TBC1D5: variants seen among roughly 807,000 people sequenced by gnomAD.
The protein encoded by TBC1D5 is TBC1 domain family, member 5.
In TBC1D5, 75 loss-of-function variants were observed where a neutral mutation model predicts 100.3. The ratio of observed to expected loss-of-function variants is 0.75; its 90% CI spans 0.62 to 0.91. The LOEUF is 0.91. Among genes scored for constraint, TBC1D5 ranks in the 40% least tolerant of loss-of-function variants. TBC1D5 has a pLI of 0.00. For missense variants in TBC1D5, 910 were observed against 942.4 expected, an observed-to-expected ratio of 0.97 and a Z score of 0.45; for synonymous variants, 323 against 325.6, an observed-to-expected ratio of 0.99 and a Z score of 0.09.
intron 15 of TBC1D5, among the ~76,000 whole-genome samples, chr3:17,285,180 T>G (rs1021728224): frequency 6.6e-6 from 1 of 150,828 alleles, no homozygotes; most frequent in Non-Finnish European, 1.5e-5. Flanking sequence ...GCTGGAAGCA[T>G]TATGAAAAGT....
intron 14 of TBC1D5, among the ~76,000 whole-genome samples, chr3:17,300,466 G>A (rs1012886197): frequency 6.6e-6 from 1 of 152,160 alleles, no homozygotes; most frequent in African/African-American, 2.4e-5. Context: ...TCTGGGTTAG[G>A]ACAGAGGGAA....
intron 1 of TBC1D5, among the ~76,000 whole-genome samples, chr3:17,635,664 G>GA (rs575863503): frequency 1.6e-4 from 23 of 148,296 alleles, no homozygotes; most frequent in African/African-American, 2.0e-4. Context: ...GGCAACAAGA[G>GA]AAAAAAAAAA....
chr3:17,242,024 A>T (rs577302945), intron 16 of TBC1D5, among the ~76,000 whole-genome samples: 1 of 152,290 alleles, frequency 6.6e-6, no homozygotes, highest in African/African-American at 2.4e-5. Context: ...CAGACAGGTG[A>T]AGAAATTCCA....
intron 13 of TBC1D5, among the ~76,000 whole-genome samples, chr3:17,320,605 T>C (rs2085290922): frequency 6.6e-6 from 1 of 152,222 alleles, no homozygotes; most frequent in Non-Finnish European, 1.5e-5. Flanking sequence ...TCATAGTTTA[T>C]GGGCTTGTGA....
intron 16 of TBC1D5, among the ~76,000 whole-genome samples, chr3:17,245,463 A>C (rs2076660990): frequency 6.6e-6 from 1 of 152,208 alleles, no homozygotes; most frequent in South Asian, 2.1e-4. Context: ...GTTGAATTTC[A>C]AGGGAAACAT....
chr3:17,308,857 A>T (rs2083681647), intron 13 of TBC1D5, among the ~76,000 whole-genome samples: 2 of 152,252 alleles, frequency 1.3e-5, no homozygotes, highest in South Asian at 4.1e-4. Context: ...ACTAAGCAAC[A>T]TCTATATATA....
At chr3:17,600,532 G>A (rs887909201) in intron 2 of TBC1D5, among the ~76,000 whole-genome samples, 5 of 152,016 alleles carry the variant, frequency 3.3e-5, no homozygotes, top group African/African-American at 7.3e-5. Context: ...TGGTCTCATC[G>A]CAGTAAAATG....
At chr3:17,341,272 C>G (rs894130336) in intron 13 of TBC1D5, among the ~76,000 whole-genome samples, 3 of 152,166 alleles carry the variant, frequency 2.0e-5, no homozygotes, top group African/African-American at 7.2e-5. Flanking sequence ...TCTCCGCTCA[C>G]TGCAAGCTCT....
At chr3:17,190,603 G>A (rs1024082202) in intron 18 of TBC1D5, among the ~76,000 whole-genome samples, 1 of 152,132 alleles carries the variant, frequency 6.6e-6, no homozygotes, top group African/African-American at 2.4e-5. Context: ...ACATAATTAT[G>A]TTTTCGGGGT....
Position 17,253,801 on chromosome 3 carries a change from T to G in TBC1D5, c.1331+4705A>C, listed in dbSNP as rs368180561. The stretch of plus-strand genomic sequence containing the variant: ...TGTTTATGAGATGCATGTATGTTAT[T>G]GCATATATCAGTATGCTTAACCCTT... On this transcript the variant is annotated intron_variant, in intron 16 of 21. Transcript: ENST00000253692. 1.3e-4 allele frequency among the ~76,000 whole-genome samples: 20 copies of G among 152,366 alleles called. No homozygotes were observed. In the East Asian group the frequency reaches 1.5e-3, roughly 12 times the overall value.
intron 2 of TBC1D5, among the ~76,000 whole-genome samples, chr3:17,545,177 A>G (rs761712261): frequency 1.8e-4 from 28 of 152,192 alleles, no homozygotes; most frequent in South Asian, 2.1e-4. Flanking sequence ...TCAGTGTGTG[A>G]CTTTATTTAG....
At chr3:17,571,535 CCTT>C (rs1381027998) in intron 2 of TBC1D5, among the ~76,000 whole-genome samples, 1 of 151,928 alleles carries the variant, frequency 6.6e-6, no homozygotes, top group Non-Finnish European at 1.5e-5. Context: ...CTCTTATTCT[CCTT>C]CTTGTTTCAT....
chr3:17,383,980 A>C (rs1380160736), exon 9 of TBC1D5: 1 of 1,600,328 alleles, frequency 6.2e-7, no homozygotes, highest in Non-Finnish European at 8.5e-7. Context: ...AATTTTTCTC[A>C]CATTTTCTTG....
At chr3:17,471,490 G>C (rs2095371584) in intron 3 of TBC1D5, among the ~76,000 whole-genome samples, 1 of 151,874 alleles carries the variant, frequency 6.6e-6, no homozygotes, top group Non-Finnish European at 1.5e-5. Flanking sequence ...CCTTCCTCTT[G>C]CCTGGTATTT....
intron 15 of TBC1D5, among the ~76,000 whole-genome samples, chr3:17,272,338 G>A (rs1232793370): frequency 6.6e-6 from 1 of 152,120 alleles, no homozygotes; most frequent in Non-Finnish European, 1.5e-5. Context: ...TATATAACTG[G>A]AAACTTAGAC....
At chr3:17,708,280 C>A (rs941911681) in intron 1 of TBC1D5, among the ~76,000 whole-genome samples, 1 of 152,202 alleles carries the variant, frequency 6.6e-6, no homozygotes, top group African/African-American at 2.4e-5. Flanking sequence ...ACTACTGTAT[C>A]TATCGATCTA....
At chr3:17,542,121 C>T (rs2096364170) in intron 2 of TBC1D5, among the ~76,000 whole-genome samples, 1 of 152,036 alleles carries the variant, frequency 6.6e-6, no homozygotes. Context: ...AACCCCATCT[C>T]TATAAGAATT....
intron 1 of TBC1D5, among the ~76,000 whole-genome samples, chr3:17,696,823 A>T (rs113279552): frequency 6.6e-6 from 1 of 152,214 alleles, no homozygotes; most frequent in Non-Finnish European, 1.5e-5. Context: ...TTAGACCAAT[A>T]TCTCTGAAGA....
At chr3:17,242,426 A>C (rs184992945) in intron 16 of TBC1D5, among the ~76,000 whole-genome samples, 29 of 152,190 alleles carry the variant, frequency 1.9e-4, no homozygotes, top group Non-Finnish European at 3.4e-4. Flanking sequence ...TTGTCAAAGA[A>C]TCACTTCAAT....
Sources: gnomAD v4.1 joint callset for allele counts (sites outside exome capture counted in the v4.1 genomes callset) on GRCh38, gnomAD v4.1.1 for gene constraint, MANE v1.5 for transcripts, NCBI Gene and HGNC (gene_info 2026-07-23, HGNC 2026-07-21) for gene names.